Variants in PCDHGA1 observed in about 807,000 individuals in gnomAD.
PCDHGA1 encodes protocadherin gamma subfamily A, 1.
Under a neutral mutation model 58.0 loss-of-function variants are expected in PCDHGA1, and 32 were observed. The ratio of observed to expected loss-of-function variants is 0.55; its 90% CI spans 0.42 to 0.74. PCDHGA1 has a LOEUF of 0.74. Among genes scored for constraint, PCDHGA1 ranks in the 30% least tolerant of loss-of-function variants. The pLI, the probability that PCDHGA1 is intolerant of heterozygous loss-of-function variation, is 0.00. For missense variants in PCDHGA1, 1,205 were observed against 1,182.3 expected (o/e 1.02, Z -0.28); for synonymous variants, 498 against 501.1 (o/e 0.99, Z 0.08).
intron 1 of PCDHGA1, chr5:141,345,505 T>G: frequency 6.2e-7 from 1 of 1,614,130 alleles, no homozygotes; most frequent in Non-Finnish European, 8.5e-7. Flanking sequence ...ACTTATGCAT[T>G]GACCGAGGAC....
At chr5:141,409,960 C>T (rs1182396334) in intron 1 of PCDHGA1, 1 of 1,613,416 alleles carries the variant, frequency 6.2e-7, no homozygotes. Context: ...AGCCCGGCTA[C>T]CTAGTGACTA....
At chr5:141,340,355 C>G in intron 1 of PCDHGA1, 1 of 1,614,192 alleles carries the variant, frequency 6.2e-7, no homozygotes, top group Non-Finnish European at 8.5e-7. Flanking sequence ...CACCTACATT[C>G]CCGAAAACAA....
chr5:141,484,374 T>C (rs1261372490), intron 1 of PCDHGA1, among the ~76,000 whole-genome samples: 1 of 152,186 alleles, frequency 6.6e-6, no homozygotes, highest in Non-Finnish European at 1.5e-5. Context: ...CACTAGCAAA[T>C]GTCTGAATAA....
In PCDHGA1 at chr5:141,489,950, A is replaced by C. The variant is rs1055715796; in HGVS notation, c.2422-4857A>C. 1 of 1,614,192 alleles carries C rather than the reference A, an allele frequency of 6.2e-7. No homozygotes were observed. The highest frequency in any genetic ancestry group is 1.3e-5 in the African/African-American group (1 of 75,060). ...TCTGTCATCGTGCTGGACATCAATG[A>C]TAATGCTCCAACCTTCCAATCCTCA... is the stretch of plus-strand genomic sequence containing the variant. On this transcript the variant is annotated intron_variant, in intron 1 of 3. Coordinates refer to ENST00000517417, the MANE Select transcript of PCDHGA1 (RefSeq NM_018912.3). The surrounding 1 kb of genome is among the most constrained non-coding windows in gnomAD (Gnocchi z 4.5).
chr5:141,423,139 G>A (rs2096713828), intron 1 of PCDHGA1: 2 of 1,613,616 alleles, frequency 1.2e-6, no homozygotes, highest in Middle Eastern at 1.7e-4. Flanking sequence ...GGACAGAGAC[G>A]CGCTCAAGCA....
rs774630488 is a variant in PCDHGA1 at position 141,490,640 on chromosome 5, G to A, written c.2422-4167G>A. On this transcript the variant is annotated intron_variant, in intron 1 of 3. Transcript: ENST00000517417. The surrounding 1 kb of genome is among the most constrained non-coding windows in gnomAD (Gnocchi z 5.4). Reference sequence around the variant, plus strand: ...TACACTGCTTACATCCTAGAAAACCGGCCTCCGGGCTCCCTTCTTTGCACT... The same window carrying A: ...TACACTGCTTACATCCTAGAAAACCAGCCTCCGGGCTCCCTTCTTTGCACT... 2.6e-5 allele frequency: 42 copies of A among 1,614,004 alleles called. No individual in the cohort carries two copies. The highest frequency in any genetic ancestry group is 1.6e-4 in the Middle Eastern group (1 of 6,084).
At chr5:141,408,059 C>T in intron 1 of PCDHGA1, 1 of 1,317,324 alleles carries the variant, frequency 7.6e-7, no homozygotes, top group Non-Finnish European at 1.0e-6. Flanking sequence ...AGCCTCCCGG[C>T]TGCGCAGACC....
In PCDHGA1 at chr5:141,494,849, A is replaced by C; in HGVS notation, c.2464A>C (p.Arg822=). ...NTDWRFSQAQ[R]PGTSGSQNGD... ...GGACTGGCGTTTCTCTCAGGCCCAG[A>C]GACCCGGCACCAGCGGGTAGGTGAC... Residue 822 remains arginine, a synonymous_variant, in exon 2 of 4, where the codon AGA becomes CGA. Transcript: ENST00000517417. 1 of 1,614,102 alleles carries C rather than the reference A, an allele frequency of 6.2e-7. No individual in the cohort carries two copies. Among genetic ancestry groups the C allele is most frequent in the Non-Finnish European group, 8.5e-7 (1 of 1,180,014 alleles).
chr5:141,405,005 G>C (rs1358521218), intron 1 of PCDHGA1: 7 of 1,613,830 alleles, frequency 4.3e-6, no homozygotes, highest in African/African-American at 2.7e-5. Context: ...TGCAGACCTG[G>C]AGGCCTCAGA....
chr5:141,370,896 C>A, intron 1 of PCDHGA1: 1 of 1,614,040 alleles, frequency 6.2e-7, no homozygotes. Context: ...CAATTCGCTG[C>A]AGCAGTACTA....
At chr5:141,394,326 A>G in intron 1 of PCDHGA1, 1 of 1,613,902 alleles carries the variant, frequency 6.2e-7, no homozygotes, top group Non-Finnish European at 8.5e-7. Flanking sequence ...GTCCTCGTAT[A>G]TCTCCATCAA....
chr5:141,423,149 A>G (rs763488632), intron 1 of PCDHGA1: 2 of 1,613,554 alleles, frequency 1.2e-6, no homozygotes, highest in Non-Finnish European at 8.5e-7. Context: ...GCGCTCAAGC[A>G]GAGCCTCGTG....
intron 1 of PCDHGA1, chr5:141,403,191 G>T (rs368387997): frequency 6.2e-7 from 1 of 1,613,994 alleles, no homozygotes; most frequent in Non-Finnish European, 8.5e-7. Flanking sequence ...CTGAACCCGC[G>T]CAGCGGCACC....
intron 1 of PCDHGA1, chr5:141,427,571 G>A: frequency 1.5e-6 from 1 of 662,942 alleles, no homozygotes. Flanking sequence ...GCAAGCCTCC[G>A]CTCTCATCCA....
rs61612330 is a variant in PCDHGA1 at position 141,454,796 on chromosome 5, A to ATTTTTTTTTTTTTTTTTTTTTTTTT, written c.2422-40006_2422-39982dup. ...AAGGAAATAATCCTCCATGGTTCTA[A>ATTTTTTTTTTTTTTTTTTTTTTTTT]TTTTTTTTTTTTTTTTTTTTTTTTT... On this transcript the variant is annotated intron_variant, in intron 1 of 3. Coordinates refer to ENST00000517417, the MANE Select transcript of PCDHGA1 (RefSeq NM_018912.3). Among the ~76,000 whole-genome samples, 7 of 77,408 alleles carry ATTTTTTTTTTTTTTTTTTTTTTTTT rather than the reference A, an allele frequency of 9.0e-5. 1 individual carries two copies. Among genetic ancestry groups the ATTTTTTTTTTTTTTTTTTTTTTTTT allele is most frequent in the East Asian group, 4.0e-4 (1 of 2,514 alleles). 50.8% of individuals were successfully genotyped at this position (77,408 alleles called of 152,430 possible). A position where few individuals can be genotyped will look rare whatever the true frequency, so the allele number is the denominator to read the frequency against.
chr5:141,388,212 G>C, intron 1 of PCDHGA1: 3 of 1,590,850 alleles, frequency 1.9e-6, no homozygotes, highest in Non-Finnish European at 2.6e-6. Flanking sequence ...TGAGGCTGTT[G>C]CTGAAAATCC....
intron 1 of PCDHGA1, among the ~76,000 whole-genome samples, chr5:141,346,791 G>A (rs1757804797): frequency 6.6e-6 from 1 of 152,184 alleles, no homozygotes; most frequent in Non-Finnish European, 1.5e-5. Flanking sequence ...TAACTATGAT[G>A]AGAGAAACAC....
Position 141,340,119 on chromosome 5 carries a change from C to T in PCDHGA1, c.2421+7014C>T, listed in dbSNP as rs558277705. 35 of 1,614,128 alleles carry T rather than the reference C, an allele frequency of 2.2e-5. No individual in the cohort carries two copies. In the South Asian group the frequency reaches 3.8e-4, roughly 18 times the overall value. On this transcript the variant is annotated intron_variant, in intron 1 of 3. Coordinates refer to ENST00000517417, the MANE Select transcript of PCDHGA1 (RefSeq NM_018912.3). ...GACTCTGGGCAGAACGCATTCACCA[C>T]CTGTTCACTCCCCGAGGATCTTCCT...
chr5:141,428,459 A>C, intron 1 of PCDHGA1: 2 of 350,154 alleles, frequency 5.7e-6, no homozygotes, highest in Non-Finnish European at 5.5e-6. Context: ...CCCAACTACA[A>C]TGAGGGAACT....
Sources: gnomAD v4.1 joint callset for allele counts (sites outside exome capture counted in the v4.1 genomes callset) on GRCh38, gnomAD v4.1.1 for gene constraint, Gnocchi (gnomAD v3.1) non-coding constraint, MANE v1.5 for transcripts, NCBI Gene and HGNC (gene_info 2026-07-23, HGNC 2026-07-21) for gene names.